The following TRDN variants were observed in gnomAD, a reference collection of about 807,000 sequenced individuals.
TRDN encodes the protein triadin.
TRDN carries 161 observed loss-of-function variants against 149.7 expected under a neutral mutation model. The ratio of observed to expected loss-of-function variants is 1.08; its 90% confidence interval spans 0.95 to 1.23. TRDN has a LOEUF of 1.23. TRDN is among the 50% of genes most tolerant of loss of function. The pLI, the probability that TRDN is intolerant of heterozygous loss-of-function variation, is 0.00. For missense variants in TRDN, 896 were observed against 823.5 expected (o/e 1.09, Z -1.08); for synonymous variants, 294 against 250.5 (o/e 1.17, Z -1.64).
At chr6:123,278,281 T>TG in intron 26 of TRDN, 37 bp downstream of exon 26, 1 of 1,233,962 alleles carries the variant, frequency 8.1e-7, no homozygotes, top group Non-Finnish European at 1.1e-6. Flanking sequence ...ATTCTAAACA[T>TG]GGAAATCATA....
At chr6:123,271,410 A>C (rs1038324099) in intron 29 of TRDN, among the ~76,000 whole-genome samples, 1 of 151,928 alleles carries the variant, frequency 6.6e-6, no homozygotes, top group Admixed American at 6.6e-5. Context: ...AAGTTTTCCT[A>C]ACTTAAATTG....
chr6:123,441,579 G>A (rs1774892182), intron 10 of TRDN, among the ~76,000 whole-genome samples: 1 of 152,166 alleles, frequency 6.6e-6, no homozygotes, highest in South Asian at 2.1e-4. Context: ...GAGCAGCTCT[G>A]AGCCACAAAT....
At chr6:123,266,883 T>A (rs1777026158) in intron 32 of TRDN, among the ~76,000 whole-genome samples, 1 of 142,912 alleles carries the variant, frequency 7.0e-6, no homozygotes, top group Non-Finnish European at 1.5e-5. Flanking sequence ...CCGAGGTGGG[T>A]GGATCACGAG....
At chr6:123,435,790 G>A (rs1207084285) in intron 12 of TRDN, among the ~76,000 whole-genome samples, 1 of 152,098 alleles carries the variant, frequency 6.6e-6, no homozygotes. Context: ...CTGCTTCGGT[G>A]GCTGAGCACT....
chr6:123,608,018 T>C (rs1562423229), intron 1 of TRDN, among the ~76,000 whole-genome samples: 1 of 152,096 alleles, frequency 6.6e-6, no homozygotes, highest in Non-Finnish European at 1.5e-5. Context: ...TAGCTTTTAC[T>C]ATGAAGAAGT....
At chr6:123,578,962 G>A (rs1243117300) in intron 1 of TRDN, among the ~76,000 whole-genome samples, 1 of 151,960 alleles carries the variant, frequency 6.6e-6, no homozygotes, top group African/African-American at 2.4e-5. Context: ...GGCTGTTGTT[G>A]GTGTATAGGA....
chr6:123,424,286 C>T lies in TRDN; in HGVS notation c.1051+13777G>A, dbSNP rs181578768. ...TTCCTGCCTAACTGCCCTTTTCTGT[C>T]CCTAATTGGTTATTCTGGCCTACTT... On this transcript the variant is annotated intron_variant, in intron 12 of 40. Coordinates refer to ENST00000334268, the MANE Select transcript of TRDN (RefSeq NM_006073.4). Among the ~76,000 whole-genome samples the T allele has an allele frequency of 2.0e-5, 3 of 152,224 alleles. No individual in the cohort carries two copies. In the East Asian group the frequency reaches 5.8e-4, roughly 29 times the overall value.
chr6:123,373,979 G>A (rs1329690188), intron 19 of TRDN, among the ~76,000 whole-genome samples: 1 of 152,126 alleles, frequency 6.6e-6, no homozygotes, highest in Non-Finnish European at 1.5e-5. Flanking sequence ...TGACTTCAAT[G>A]CCAAAATACA....
chr6:123,222,629 A>G (rs1775190086), intron 39 of TRDN, among the ~76,000 whole-genome samples: 2 of 151,820 alleles, frequency 1.3e-5, no homozygotes, highest in African/African-American at 4.8e-5. Flanking sequence ...AATTTTGGGC[A>G]CTGGCAAAGA....
rs1010120999 is a variant in TRDN at position 123,239,978 on chromosome 6, A to T, written c.1975+12434T>A. Among the ~76,000 whole-genome samples, 4 of 152,036 alleles carry T rather than the reference A, an allele frequency of 2.6e-5. 1 individual carries two copies. In the East Asian group the frequency reaches 5.8e-4, roughly 22 times the overall value. On this transcript the variant is annotated intron_variant, in intron 38 of 40. Transcript: ENST00000334268. ...ATAAGTAAAATATAACTACTCAAAA[A>T]TACTGATAAATCTGAGAAGCATAAC... is the stretch of plus-strand genomic sequence containing the variant.
chr6:123,555,595 A>G (rs1317223572), intron 2 of TRDN, among the ~76,000 whole-genome samples: 1 of 152,142 alleles, frequency 6.6e-6, no homozygotes, highest in Non-Finnish European at 1.5e-5. Context: ...AACACTTGAT[A>G]TTTTGGCATC....
chr6:123,567,820 G>A (rs1215899483), intron 2 of TRDN, among the ~76,000 whole-genome samples: 2 of 152,026 alleles, frequency 1.3e-5, no homozygotes, highest in Non-Finnish European at 2.9e-5. Flanking sequence ...AGATTATATG[G>A]GACACATATC....
intron 12 of TRDN, among the ~76,000 whole-genome samples, chr6:123,414,417 G>A (rs1212811663): frequency 6.6e-6 from 1 of 152,044 alleles, no homozygotes; most frequent in Non-Finnish European, 1.5e-5. Context: ...ATTGCTTGAG[G>A]GAGGCTGTCC....
At chr6:123,365,326 T>A (rs1781052643) in intron 20 of TRDN, among the ~76,000 whole-genome samples, 1 of 149,584 alleles carries the variant, frequency 6.7e-6, no homozygotes, top group Admixed American at 6.6e-5. Flanking sequence ...GTAGCTAACA[T>A]TAATTTATAC....
intron 21 of TRDN, among the ~76,000 whole-genome samples, chr6:123,346,266 A>G (rs1780242120): frequency 6.6e-6 from 1 of 152,044 alleles, no homozygotes; most frequent in Non-Finnish European, 1.5e-5. Context: ...AAATGCTTTT[A>G]CCATTACTAT....
intron 23 of TRDN, among the ~76,000 whole-genome samples, chr6:123,319,371 T>C (rs1440353732): frequency 6.6e-6 from 1 of 151,988 alleles, no homozygotes; most frequent in Non-Finnish European, 1.5e-5. Flanking sequence ...ATTTTGTAGA[T>C]GATATTTCTA....
chr6:123,625,689 T>G (rs550373577), intron 1 of TRDN, among the ~76,000 whole-genome samples: 7 of 152,320 alleles, frequency 4.6e-5, no homozygotes, highest in Admixed American at 1.3e-4. Context: ...ATTGTATGCC[T>G]GTATAAAAAT....
chr6:123,535,049 TG>T (rs1380802243), intron 4 of TRDN, among the ~76,000 whole-genome samples: 1 of 152,164 alleles, frequency 6.6e-6, no homozygotes, highest in African/African-American at 2.4e-5. Flanking sequence ...TCTTAAAAAT[TG>T]TTTTGTGTCT....
chr6:123,420,401 A>AAAC (rs1554235167), intron 12 of TRDN, among the ~76,000 whole-genome samples: 4 of 148,412 alleles, frequency 2.7e-5, no homozygotes, highest in African/African-American at 7.5e-5. Flanking sequence ...TAAAAAAAAA[A>AAAC]CAGCAAAACT....
Sources: gnomAD v4.1 joint callset for allele counts (sites outside exome capture counted in the v4.1 genomes callset) on GRCh38, gnomAD v4.1.1 for gene constraint, MANE v1.5 for transcripts, NCBI Gene and HGNC (gene_info 2026-07-23, HGNC 2026-07-21) for gene names.